The following MBTD1 variants were observed in gnomAD, a reference collection of about 807,000 sequenced individuals.
The protein encoded by MBTD1 is mbt domain containing 1.
Under a neutral mutation model 87.8 loss-of-function variants are expected in MBTD1, and 24 were observed. That is an observed-to-expected ratio of 0.27 (90% CI 0.20 to 0.38). MBTD1 has a LOEUF of 0.38. Ranked by LOEUF, MBTD1 falls within the 10% of genes least tolerant of loss-of-function variation. The pLI, the probability that MBTD1 is intolerant of heterozygous loss-of-function variation, is 1.00. For missense variants in MBTD1, 436 were observed against 760.2 expected (o/e 0.57, Z 5.02); for synonymous variants, 237 against 248.6 (o/e 0.95, Z 0.44).
At chr17:51,231,997 A>G (rs2053576495) in intron 2 of MBTD1, among the ~76,000 whole-genome samples, 1 of 152,104 alleles carries the variant, frequency 6.6e-6, no homozygotes, top group Non-Finnish European at 1.5e-5. Flanking sequence ...CCTACATTAG[A>G]CCAAAACCCC....
upstream of MBTD1, chr17:51,260,159 C>T (rs532767038): frequency 3.0e-5 from 11 of 370,154 alleles, no homozygotes; most frequent in Admixed American, 4.4e-4. Flanking sequence ...TCTGCAGGCT[C>T]CGTACTCCAA....
upstream of MBTD1, chr17:51,260,681 G>A (rs776403498): frequency 2.5e-6 from 4 of 1,608,186 alleles, no homozygotes; most frequent in African/African-American, 4.0e-5. Context: ...GAAAGCCGGA[G>A]CGGGGCCAGG....
intron 2 of MBTD1, among the ~76,000 whole-genome samples, chr17:51,231,189 G>A (rs2053532256): frequency 6.6e-6 from 1 of 152,110 alleles, no homozygotes; most frequent in Non-Finnish European, 1.5e-5. Flanking sequence ...GCCCGCCTTG[G>A]CCTCCCAAAG....
chr17:51,191,335 C>G (rs1447356865), intron 16 of MBTD1, among the ~76,000 whole-genome samples: 1 of 150,506 alleles, frequency 6.6e-6, no homozygotes, highest in Non-Finnish European at 1.5e-5. Context: ...GATCTCGGCT[C>G]ACCTCAACCT....
intron 4 of MBTD1, among the ~76,000 whole-genome samples, chr17:51,219,631 A>C (rs1278044646): frequency 6.6e-6 from 1 of 152,188 alleles, no homozygotes; most frequent in Non-Finnish European, 1.5e-5. Flanking sequence ...AATTTGGAGG[A>C]TTTAAATAAC....
At chr17:51,228,839 A>G (rs2053393240) in intron 2 of MBTD1, among the ~76,000 whole-genome samples, 1 of 126,086 alleles carries the variant, frequency 7.9e-6, no homozygotes, top group South Asian at 2.7e-4. Context: ...CAGAGATTGC[A>G]GTGAGCTGAG....
intron 2 of MBTD1, among the ~76,000 whole-genome samples, chr17:51,235,250 C>T (rs1476451296): frequency 2.6e-5 from 4 of 152,034 alleles, no homozygotes. Flanking sequence ...ATTCTCGTGC[C>T]TTAGCCTCCT....
chr17:51,196,560 A>G (rs1477326782), intron 12 of MBTD1, among the ~76,000 whole-genome samples: 2 of 152,030 alleles, frequency 1.3e-5, no homozygotes, highest in African/African-American at 2.4e-5. Flanking sequence ...TCAAAAGACC[A>G]TCTCTTATAC....
intron 2 of MBTD1, among the ~76,000 whole-genome samples, chr17:51,243,269 T>G (rs9902908): frequency 0.046 from 6,961 of 151,300 alleles, 220 homozygotes; most frequent in Non-Finnish European, 0.066. Context: ...AAAAATGGTA[T>G]GCCAGTATAG....
At chr17:51,233,983 G>GA (rs964609185) in intron 2 of MBTD1, among the ~76,000 whole-genome samples, 42 of 148,098 alleles carry the variant, frequency 2.8e-4, no homozygotes, top group East Asian at 2.6e-3. Context: ...TAGAAAAAAG[G>GA]AAAAAAAAAG....
chr17:51,205,110 T>C (rs965399549), intron 7 of MBTD1, among the ~76,000 whole-genome samples: 7 of 152,208 alleles, frequency 4.6e-5, no homozygotes, highest in Non-Finnish European at 8.8e-5. Flanking sequence ...AGGCCTTTAA[T>C]GAAACAGAAA....
chr17:51,259,751 G>A, intron 1 of MBTD1, 84 bp downstream of exon 1: 3 of 1,193,174 alleles, frequency 2.5e-6, no homozygotes, highest in Non-Finnish European at 3.2e-6. Flanking sequence ...GCGGGGTCAG[G>A]GAGCTGCGGG....
intron 2 of MBTD1, among the ~76,000 whole-genome samples, chr17:51,245,505 G>A (rs1042228732): frequency 5.3e-5 from 8 of 151,794 alleles, no homozygotes; most frequent in Non-Finnish European, 7.4e-5. Context: ...TATTTGTATA[G>A]TTTTTATATT....
intron 6 of MBTD1, among the ~76,000 whole-genome samples, chr17:51,210,012 T>C (rs373624961): frequency 6.6e-6 from 1 of 151,844 alleles, no homozygotes; most frequent in East Asian, 1.9e-4. Context: ...TCCACTCACC[T>C]TTTTTTTGAG....
At chr17:51,223,436 T>G (rs968443367) in intron 3 of MBTD1, among the ~76,000 whole-genome samples, 2 of 151,604 alleles carry the variant, frequency 1.3e-5, no homozygotes, top group Non-Finnish European at 2.9e-5. Context: ...CTTGGGAGGA[T>G]GAGGTGAGAG....
At chr17:51,214,788 T>C (rs562116601) in intron 6 of MBTD1, among the ~76,000 whole-genome samples, 1 of 152,212 alleles carries the variant, frequency 6.6e-6, no homozygotes, top group South Asian at 2.1e-4. Flanking sequence ...GAGGCCTTCC[T>C]GACTAATGAA....
chr17:51,226,232 C>A (rs1007254031), intron 2 of MBTD1, among the ~76,000 whole-genome samples: 4 of 149,978 alleles, frequency 2.7e-5, no homozygotes, highest in African/African-American at 9.8e-5. Flanking sequence ...TAATTGTGGG[C>A]CAGGCATGGT....
In MBTD1 at chr17:51,259,796, C is replaced by G. The variant is rs576991873; in HGVS notation, c.-113+39G>C. On this transcript the variant is annotated intron_variant, in intron 1 of 16. Transcript: ENST00000586178. ...GTCGGAGAGCTGCAGGCGTCCCCCC[C>G]ACCTGGCACACAAAGCGGCTGCCGC... is the stretch of plus-strand genomic sequence containing the variant. 1.2e-4 allele frequency: 148 copies of G among 1,232,692 alleles called. No homozygotes were observed. In the South Asian group the frequency reaches 1.5e-3, roughly 12 times the overall value. The allele number at this position is 1,232,692 out of a possible 1,614,324, so 76.4% of individuals were successfully genotyped here.
Position 51,225,143 on chromosome 17 carries a change from T to TATC in MBTD1, c.16_18dup (p.Asp6dup), listed in dbSNP as rs1350262454. 6.5e-7 allele frequency: 1 copy of TATC among 1,547,846 alleles called. No individual in the cohort carries two copies. Among genetic ancestry groups the TATC allele is most frequent in the East Asian group, 2.4e-5 (1 of 40,858 alleles). ...CTGCTGCTTGTGTCCTCACTGCAGC[T>TATC]ATCATAACCGTCAAACATCCCGAAA... On this transcript the variant is annotated inframe_insertion, in exon 3 of 17. Transcript: ENST00000586178.
Sources: gnomAD v4.1 joint callset for allele counts (sites outside exome capture counted in the v4.1 genomes callset) on GRCh38, gnomAD v4.1.1 for gene constraint, MANE v1.5 for transcripts, NCBI Gene and HGNC (gene_info 2026-07-23, HGNC 2026-07-21) for gene names.